NKAIN2: variants seen among roughly 807,000 people sequenced by gnomAD.
NKAIN2 encodes sodium/potassium transporting ATPase interacting 2.
In NKAIN2, 14 loss-of-function variants were observed where a neutral mutation model predicts 32.6. The observed-to-expected ratio is 0.43, with a 90% CI of 0.28 to 0.67. The LOEUF (loss-of-function observed/expected upper bound fraction) is 0.67, where lower values mean the gene tolerates loss of function less well. NKAIN2 is among the 30% of genes least tolerant of loss of function. The probability of loss-of-function intolerance (pLI) is 0.17; values close to 1 mark genes in which losing one functional copy is unlikely to be tolerated. For synonymous variants in NKAIN2, 80 were observed against 87.2 expected (o/e 0.92, Z 0.46); for missense variants, 198 against 258.3 (o/e 0.77, Z 1.60).
intron 1 of NKAIN2, among the ~76,000 whole-genome samples, chr6:123,961,171 C>T (rs1432577622): frequency 1.3e-5 from 2 of 151,692 alleles, no homozygotes; most frequent in Non-Finnish European, 2.9e-5. Flanking sequence ...AAGTGACATT[C>T]TAGTAAAGAA....
At chr6:124,545,844 A>G (rs1456276853) in intron 3 of NKAIN2, among the ~76,000 whole-genome samples, 1 of 152,082 alleles carries the variant, frequency 6.6e-6, no homozygotes, top group Non-Finnish European at 1.5e-5. Context: ...TGACACAAAC[A>G]TTAGTCTCAG....
At chr6:124,416,205 G>A (rs1232046458) in intron 3 of NKAIN2, among the ~76,000 whole-genome samples, 1 of 152,120 alleles carries the variant, frequency 6.6e-6, no homozygotes, top group Non-Finnish European at 1.5e-5. Flanking sequence ...GCATTGAGTA[G>A]CCTGGATTTT....
At chr6:124,602,721 A>G (rs1354962317) in intron 3 of NKAIN2, among the ~76,000 whole-genome samples, 1 of 151,772 alleles carries the variant, frequency 6.6e-6, no homozygotes, top group African/African-American at 2.4e-5. Flanking sequence ...GTTGATCCAG[A>G]TTTCTTTTTC....
intron 3 of NKAIN2, among the ~76,000 whole-genome samples, chr6:124,516,616 A>G (rs543625274): frequency 6.6e-6 from 1 of 152,298 alleles, no homozygotes; most frequent in East Asian, 1.9e-4. Context: ...GCCTCTCACT[A>G]AACACATTTG....
chr6:124,639,502 C>T (rs1390919307), intron 3 of NKAIN2, among the ~76,000 whole-genome samples: 3 of 152,016 alleles, frequency 2.0e-5, no homozygotes, highest in East Asian at 3.9e-4. Flanking sequence ...GGCATGGTGG[C>T]GTGTGCCTGT....
At chr6:124,412,969 G>T (rs919517362) in intron 3 of NKAIN2, among the ~76,000 whole-genome samples, 1 of 152,166 alleles carries the variant, frequency 6.6e-6, no homozygotes, top group Non-Finnish European at 1.5e-5. Context: ...AGGACCCTCC[G>T]AGCCAGGTGC....
chr6:124,203,749 T>C (rs1216821872), intron 1 of NKAIN2, among the ~76,000 whole-genome samples: 3 of 151,728 alleles, frequency 2.0e-5, no homozygotes, highest in East Asian at 3.9e-4. Context: ...AGAGAGGATA[T>C]GGTGTGAAAT....
intron 3 of NKAIN2, among the ~76,000 whole-genome samples, chr6:124,476,065 A>AGAGTGTGTGTGT (rs1487948768): frequency 2.9e-4 from 38 of 132,546 alleles, no homozygotes; most frequent in African/African-American, 9.5e-4. Context: ...AGAGAGAGAG[A>AGAGTGTGTGTGT]GTGTGTGTGT....
intron 4 of NKAIN2, among the ~76,000 whole-genome samples, chr6:124,746,199 A>T (rs1290922347): frequency 2.0e-5 from 3 of 151,894 alleles, no homozygotes; most frequent in African/African-American, 7.2e-5. Flanking sequence ...GCATGGTAAG[A>T]GCTGAACTTC....
At chr6:124,494,548 A>G (rs1448880077) in intron 3 of NKAIN2, among the ~76,000 whole-genome samples, 2 of 152,124 alleles carry the variant, frequency 1.3e-5, no homozygotes, top group Non-Finnish European at 2.9e-5. Context: ...ATGTGTAATT[A>G]GATAAACTGT....
chr6:124,633,690 A>C (rs1294506389), intron 3 of NKAIN2, among the ~76,000 whole-genome samples: 1 of 152,254 alleles, frequency 6.6e-6, no homozygotes, highest in Non-Finnish European at 1.5e-5. Context: ...CTGTGTATCA[A>C]AATGAGATCA....
At chr6:124,782,452 G>T (rs1341441757) in intron 4 of NKAIN2, among the ~76,000 whole-genome samples, 1 of 151,918 alleles carries the variant, frequency 6.6e-6, no homozygotes. Context: ...AGTTATTTTT[G>T]CAACTAAATA....
At chr6:123,973,729 A>T (rs1192746280) in intron 1 of NKAIN2, among the ~76,000 whole-genome samples, 5 of 152,108 alleles carry the variant, frequency 3.3e-5, no homozygotes, top group Admixed American at 2.6e-4. Flanking sequence ...CACCAACCTA[A>T]ATCGTGTAGT....
intron 1 of NKAIN2, among the ~76,000 whole-genome samples, chr6:124,108,481 T>G (rs1472331471): frequency 6.6e-6 from 1 of 152,046 alleles, no homozygotes; most frequent in African/African-American, 2.4e-5. Context: ...GACATTTCCA[T>G]ACAGTAGATT....
intron 1 of NKAIN2, among the ~76,000 whole-genome samples, chr6:123,960,074 T>C (rs1777777405): frequency 6.6e-6 from 1 of 152,022 alleles, no homozygotes; most frequent in South Asian, 2.1e-4. Flanking sequence ...GTCATGTGGG[T>C]TTGCTGTGAT....
chr6:124,620,450 C>G (rs775754512), intron 3 of NKAIN2, among the ~76,000 whole-genome samples: 8 of 152,160 alleles, frequency 5.3e-5, no homozygotes, highest in Non-Finnish European at 8.8e-5. Flanking sequence ...GCAAGGACTT[C>G]TTTTATGACT....
intron 5 of NKAIN2, among the ~76,000 whole-genome samples, chr6:124,792,064 C>G (rs113425637): frequency 2.0e-5 from 3 of 152,078 alleles, no homozygotes; most frequent in African/African-American, 7.2e-5. Flanking sequence ...AGGTTTCATT[C>G]CATCCCTGCC....
At chr6:124,583,687 T>G (rs552003246) in intron 3 of NKAIN2, among the ~76,000 whole-genome samples, 1 of 152,240 alleles carries the variant, frequency 6.6e-6, no homozygotes, top group South Asian at 2.1e-4. Context: ...CAGCCAAAGC[T>G]ATCCTGAGAA....
At chr6:124,571,226 C>A (rs940753299) in intron 3 of NKAIN2, among the ~76,000 whole-genome samples, 5 of 152,252 alleles carry the variant, frequency 3.3e-5, no homozygotes, top group Admixed American at 3.3e-4. Flanking sequence ...CCTTGTCTCA[C>A]ATGAGACTTT....
Sources: allele counts gnomAD v4.1 joint callset (sites outside exome capture counted in the v4.1 genomes callset), GRCh38; gene constraint gnomAD v4.1.1; transcripts MANE v1.5; gene names NCBI Gene and HGNC (gene_info 2026-07-23, HGNC 2026-07-21).